ADARB2: variants seen among roughly 807,000 people sequenced by gnomAD.
The protein encoded by ADARB2 is adenosine deaminase RNA specific B2 (inactive).
In ADARB2, 25 loss-of-function variants were observed where a neutral mutation model predicts 62.2. The observed-to-expected ratio is 0.40, with a 90% confidence interval of 0.29 to 0.56. The LOEUF (loss-of-function observed/expected upper bound fraction) is 0.56, where lower values mean the gene tolerates loss of function less well. Ranked by LOEUF, ADARB2 falls within the 20% of genes least tolerant of loss-of-function variation. ADARB2 has a pLI of 0.43. For synonymous variants in ADARB2, 572 were observed against 500.8 expected, an observed-to-expected ratio of 1.14 and a Z score of -1.90; for missense variants, 1,071 against 1,077.4, an observed-to-expected ratio of 0.99 and a Z score of 0.08.
At chr10:1,639,578 C>T (rs1420478495) in intron 1 of ADARB2, among the ~76,000 whole-genome samples, 3 of 152,206 alleles carry the variant, frequency 2.0e-5, no homozygotes, top group African/African-American at 7.2e-5. Flanking sequence ...GGCGCAGTGG[C>T]TCACGCCTGT....
At chr10:1,361,666 C>A (rs1277544030) in intron 3 of ADARB2, 1 of 152,222 alleles carries the variant, frequency 6.6e-6, no homozygotes, top group Non-Finnish European at 1.5e-5. Flanking sequence ...GATGAGGGCT[C>A]TGCCATGACG....
intron 1 of ADARB2, among the ~76,000 whole-genome samples, chr10:1,395,366 G>A (rs928498840): frequency 6.6e-6 from 1 of 152,194 alleles, no homozygotes; most frequent in African/African-American, 2.4e-5. Context: ...GGGACTCTCC[G>A]ACGGTCCTGG....
At chr10:1,485,742 G>A (rs900623667) in intron 1 of ADARB2, among the ~76,000 whole-genome samples, 5 of 152,198 alleles carry the variant, frequency 3.3e-5, no homozygotes, top group Non-Finnish European at 7.3e-5. Context: ...AGAATTGTTT[G>A]GGGTGAGAAT....
intron 1 of ADARB2, among the ~76,000 whole-genome samples, chr10:1,411,343 C>G (rs189358548): frequency 2.6e-5 from 4 of 152,190 alleles, no homozygotes; most frequent in Non-Finnish European, 5.9e-5. Flanking sequence ...GAGGCTCCGT[C>G]GTTAGCCCAC....
intron 1 of ADARB2, among the ~76,000 whole-genome samples, chr10:1,662,523 G>A (rs188701569): frequency 3.9e-5 from 6 of 152,304 alleles, no homozygotes; most frequent in Admixed American, 2.0e-4. Flanking sequence ...TCTGACTCAC[G>A]GAACCATGAG....
At chr10:1,436,802 T>G (rs1029724389) in intron 1 of ADARB2, among the ~76,000 whole-genome samples, 6 of 152,238 alleles carry the variant, frequency 3.9e-5, no homozygotes, top group Non-Finnish European at 8.8e-5. Flanking sequence ...TGAAGCATCT[T>G]GATTTATTAT....
At chr10:1,394,016 C>T (rs1318632461) in intron 1 of ADARB2, among the ~76,000 whole-genome samples, 1 of 152,098 alleles carries the variant, frequency 6.6e-6, no homozygotes, top group East Asian at 1.9e-4. Context: ...AGGGTGGTGT[C>T]CTCCGTGAAC....
intron 1 of ADARB2, among the ~76,000 whole-genome samples, chr10:1,453,666 G>T (rs1239745228): frequency 6.6e-6 from 1 of 152,020 alleles, no homozygotes; most frequent in Non-Finnish European, 1.5e-5. Context: ...ACAAAACAAA[G>T]AATCTAATTA....
At chr10:1,588,478 A>T (rs1457489785) in intron 1 of ADARB2, among the ~76,000 whole-genome samples, 1 of 152,206 alleles carries the variant, frequency 6.6e-6, no homozygotes, top group African/African-American at 2.4e-5. Flanking sequence ...CCCCCTTGGT[A>T]GACAGAGCTA....
At chr10:1,240,936 G>T (rs1830914645) in intron 5 of ADARB2, among the ~76,000 whole-genome samples, 1 of 152,216 alleles carries the variant, frequency 6.6e-6, no homozygotes, top group Non-Finnish European at 1.5e-5. Context: ...TGAGGGATGG[G>T]TTCAACCTGT....
rs1053363918 is a variant in ADARB2, at chr10:1,635,969, A to C, written c.100+101082T>G. Among the ~76,000 whole-genome samples the C allele has an allele frequency of 2.6e-5, 4 of 151,486 alleles. No individual in the cohort carries two copies. The East Asian group carries it at 8.2e-4, about 31-fold the overall frequency. ...CTAACAAAGAAACGAAGAGACATAA[A>C]CCACGGCTGGATAGGTAAACCCAGC... On this transcript the variant is annotated intron_variant, in intron 1 of 9. Coordinates refer to ENST00000381312, the MANE Select transcript of ADARB2 (RefSeq NM_018702.4).
At chr10:1,713,672 C>T (rs896520824) in intron 1 of ADARB2, among the ~76,000 whole-genome samples, 1 of 152,148 alleles carries the variant, frequency 6.6e-6, no homozygotes, top group African/African-American at 2.4e-5. Flanking sequence ...GTTAAACAAG[C>T]GCCATGGCCA....
intron 1 of ADARB2, among the ~76,000 whole-genome samples, chr10:1,654,856 G>C (rs1010462670): frequency 1.2e-4 from 19 of 152,206 alleles, no homozygotes; most frequent in Non-Finnish European, 4.4e-5. Flanking sequence ...CCAGCCACAC[G>C]CCAGGCCCAA....
At chr10:1,277,376 G>GA (rs1190047704) in intron 3 of ADARB2, among the ~76,000 whole-genome samples, 3 of 152,028 alleles carry the variant, frequency 2.0e-5, no homozygotes, top group African/African-American at 7.2e-5. Context: ...TAATAAAGAA[G>GA]AAAGAGAAGA....
At chr10:1,524,840 GAAT>G (rs1393877394) in intron 1 of ADARB2, among the ~76,000 whole-genome samples, 1 of 152,044 alleles carries the variant, frequency 6.6e-6, no homozygotes, top group African/African-American at 2.4e-5. Context: ...TCTATGTTGA[GAAT>G]AATATTTCCA....
intron 6 of ADARB2, among the ~76,000 whole-genome samples, chr10:1,217,703 G>C (rs1830644824): frequency 6.6e-6 from 1 of 152,210 alleles, no homozygotes; most frequent in Non-Finnish European, 1.5e-5. Context: ...CTGTGACCCG[G>C]TTACTTCCTC....
At chr10:1,269,725 T>C (rs1478451162) in intron 4 of ADARB2, among the ~76,000 whole-genome samples, 1 of 152,196 alleles carries the variant, frequency 6.6e-6, no homozygotes, top group Non-Finnish European at 1.5e-5. Context: ...GCTGTGTCTC[T>C]TCCTCACAGC....
rs915174980 is a variant in ADARB2, at chr10:1,276,450, T to C, written c.1078-5381A>G. On this transcript the variant is annotated intron_variant, in intron 3 of 9. Coordinates refer to ENST00000381312, the MANE Select transcript of ADARB2 (RefSeq NM_018702.4). ...TAGATTGCAAAAATTTTCTTCCATT[T>C]TGTAGTTTGCCTGTTCACTCTGATG... is the stretch of plus-strand genomic sequence containing the variant. Among the ~76,000 whole-genome samples, 464 of 152,228 alleles carry C rather than the reference T, an allele frequency of 3.0e-3. 3 individuals carry two copies. The highest frequency in any genetic ancestry group is 0.017 in the East Asian group (88 of 5,170).
chr10:1,713,429 G>T (rs1483347495), intron 1 of ADARB2, among the ~76,000 whole-genome samples: 24 of 152,188 alleles, frequency 1.6e-4, no homozygotes, highest in Non-Finnish European at 2.9e-5. Context: ...GGCAGGGGGC[G>T]AAGCTTGGTG....
Sources: gnomAD v4.1 joint callset for allele counts (sites outside exome capture counted in the v4.1 genomes callset) on GRCh38, gnomAD v4.1.1 for gene constraint, MANE v1.5 for transcripts, NCBI Gene and HGNC (gene_info 2026-07-23, HGNC 2026-07-21) for gene names.